The following ELP1 variants were observed in gnomAD, a reference collection of about 807,000 sequenced individuals.
The protein encoded by ELP1 is elongator complex protein 1.
Under a neutral mutation model 183.2 loss-of-function variants are expected in ELP1, and 131 were observed. The observed-to-expected ratio is 0.72, with a 90% CI of 0.62 to 0.83. The LOEUF is 0.83. Ranked by LOEUF, ELP1 falls within the 40% of genes least tolerant of loss-of-function variation. The pLI is 0.00. For synonymous variants in ELP1, 555 were observed against 569.0 expected (o/e 0.98, Z 0.35); for missense variants, 1,550 against 1,594.9 (o/e 0.97, Z 0.48).
intron 9 of ELP1, 74 bp downstream of exon 9, chr9:108,917,473 A>G: frequency 1.3e-6 from 2 of 1,535,370 alleles, no homozygotes; most frequent in Admixed American, 3.6e-5. Context: ...ATCTCAAAAA[A>G]AAAAAAAAAA....
chr9:108,929,345 T>C (rs1829922690), intron 3 of ELP1, among the ~76,000 whole-genome samples: 1 of 152,206 alleles, frequency 6.6e-6, no homozygotes, highest in Admixed American at 6.5e-5. Context: ...GTATTTACTT[T>C]AGTGCCTAGA....
intron 24 of ELP1, 84 bp from the exon 25 acceptor site, chr9:108,896,728 A>G: frequency 1.5e-6 from 2 of 1,372,410 alleles, no homozygotes; most frequent in South Asian, 2.3e-5. Flanking sequence ...AAAAGACAAT[A>G]AATTTTTCTC....
chr9:108,899,092 T>C (rs192736833), intron 20 of ELP1, among the ~76,000 whole-genome samples: 1 of 151,396 alleles, frequency 6.6e-6, no homozygotes, highest in East Asian at 1.9e-4. Context: ...AGGTCAGGAG[T>C]TTGAGACCAG....
rs762224071 is a variant in ELP1, at chr9:108,878,728, T to A, written c.3595A>T (p.Lys1199Ter). The change falls in exon 34 of 37, where the codon AAA becomes TAA. Residue 1199 changes from lysine to a stop codon, truncating the protein, a stop_gained. Transcript: ENST00000374647. LOFTEE classifies it high-confidence loss of function. The stretch of plus-strand genomic sequence containing the variant: ...AGGCTGTGCTTCTTCCGCTCCGCTT[T>A]TCGGCGATTCTTGGATGATCTCCTG... ...ISARSSKNRR[K>*]AERKKHSLKE... 6 of 1,614,108 alleles carry A rather than the reference T, an allele frequency of 3.7e-6. No individual in the cohort carries two copies. The highest frequency in any genetic ancestry group is 5.1e-6 in the Non-Finnish European group (6 of 1,180,046).
At chr9:108,886,262 C>A (rs1262633062) in intron 29 of ELP1, among the ~76,000 whole-genome samples, 1 of 152,128 alleles carries the variant, frequency 6.6e-6, no homozygotes, top group Admixed American at 6.6e-5. Flanking sequence ...GACTCTCATA[C>A]CAATTCTACA....
chr9:108,890,992 A>G (rs941096722), intron 28 of ELP1, among the ~76,000 whole-genome samples: 5 of 152,228 alleles, frequency 3.3e-5, no homozygotes, highest in African/African-American at 9.6e-5. Flanking sequence ...TATGGGAGAG[A>G]GAAATAAACT....
intron 14 of ELP1, 63 bp downstream of exon 14, chr9:108,906,240 A>T: frequency 6.4e-7 from 1 of 1,556,334 alleles, no homozygotes; most frequent in Non-Finnish European, 8.9e-7. Flanking sequence ...TTGTATGCTC[A>T]TAAAAGACAA....
chr9:108,910,869 CATAATG>C (rs1829190823), intron 12 of ELP1, 135 bp downstream of exon 12: 1 of 636,430 alleles, frequency 1.6e-6, no homozygotes, highest in Non-Finnish European at 2.8e-6. Flanking sequence ...AATTAAATAT[CATAATG>C]ATAATGATAT....
intron 16 of ELP1, among the ~76,000 whole-genome samples, chr9:108,902,358 A>G (rs1828838957): frequency 6.6e-6 from 1 of 152,142 alleles, no homozygotes; most frequent in African/African-American, 2.4e-5. Flanking sequence ...TACTCTGTCC[A>G]TTTCCATCAC....
At chr9:108,914,624 A>C (rs753549687) in intron 10 of ELP1, among the ~76,000 whole-genome samples, 2 of 151,940 alleles carry the variant, frequency 1.3e-5, no homozygotes, top group Non-Finnish European at 1.5e-5. Context: ...TCACACCTAC[A>C]CTTTTTTTTG....
chr9:108,903,085 A>T (rs780338536), intron 15 of ELP1, 143 bp from the exon 16 acceptor site: 46 of 479,650 alleles, frequency 9.6e-5, no homozygotes, highest in Non-Finnish European at 1.3e-4. Context: ...TTATATATAT[A>T]TTTTTATTAT....
At chr9:108,928,603 G>T (rs928295852) in intron 3 of ELP1, among the ~76,000 whole-genome samples, 1 of 152,056 alleles carries the variant, frequency 6.6e-6, no homozygotes, top group African/African-American at 2.4e-5. Context: ...AGGAATGTGG[G>T]GAACAGATAG....
At chr9:108,873,903 A>G (rs913713172) in intron 36 of ELP1, among the ~76,000 whole-genome samples, 1 of 149,412 alleles carries the variant, frequency 6.7e-6, no homozygotes, top group Admixed American at 6.6e-5. Flanking sequence ...GAATAAGTGG[A>G]TATGTCGAAA....
intron 18 of ELP1, among the ~76,000 whole-genome samples, chr9:108,901,110 A>G (rs1828786005): frequency 6.6e-6 from 1 of 152,162 alleles, no homozygotes; most frequent in South Asian, 2.1e-4. Context: ...AAGGTAAAAC[A>G]TTGGGGATCT....
intron 13 of ELP1, among the ~76,000 whole-genome samples, chr9:108,907,698 T>C (rs968356908): frequency 2.0e-5 from 3 of 152,200 alleles, no homozygotes; most frequent in African/African-American, 7.2e-5. Context: ...CTCTACACTT[T>C]GTTTTTTTAA....
Position 108,896,996 on chromosome 9 carries a change from G to A in ELP1, c.2544C>T (p.Thr848=), listed in dbSNP as rs568514698. 1.2e-6 allele frequency: 2 copies of A among 1,614,052 alleles called. No individual in the cohort carries two copies. The highest frequency in any genetic ancestry group is 3.3e-5 in the Admixed American group (2 of 60,018). Residue 848 remains threonine (T), a synonymous_variant, in exon 24 of 37, where the codon ACC becomes ACT. Coordinates refer to ENST00000374647, the MANE Select transcript of ELP1 (RefSeq NM_003640.5). ...SILTSHVKKT[T]PELEIVLQKV... Reference sequence around the variant, plus strand: ...TTTGCAGTACAATTTCCAGTTCTGGGGTTGTCTTCTTTACATGAGATGTAA... The same window carrying A: ...TTTGCAGTACAATTTCCAGTTCTGGAGTTGTCTTCTTTACATGAGATGTAA...
At chr9:108,927,344 G>C (rs1200426874) in intron 4 of ELP1, 28 bp downstream of exon 4, 1 of 1,566,042 alleles carries the variant, frequency 6.4e-7, no homozygotes, top group South Asian at 1.1e-5. Context: ...TTTTAAAAAA[G>C]CCAGTGAGGC....
intron 29 of ELP1, 44 bp downstream of exon 29, chr9:108,889,288 T>G: frequency 6.5e-7 from 1 of 1,544,676 alleles, no homozygotes; most frequent in Non-Finnish European, 9.0e-7. Flanking sequence ...TGAGAAGACC[T>G]TTCTTGCTGA....
At chr9:108,879,352 A>G (rs762780434) in intron 33 of ELP1, 94 bp downstream of exon 33, 56 of 894,334 alleles carry the variant, frequency 6.3e-5, no homozygotes, top group Non-Finnish European at 9.9e-5. Flanking sequence ...CCCCACTCCC[A>G]CTACACCGTC....
Sources: allele counts gnomAD v4.1 joint callset (sites outside exome capture counted in the v4.1 genomes callset), GRCh38; gene constraint gnomAD v4.1.1; transcripts MANE v1.5; gene names NCBI Gene and HGNC (gene_info 2026-07-23, HGNC 2026-07-21).